The following PNPLA1 variants were observed in gnomAD, a reference collection of about 807,000 sequenced individuals.
PNPLA1 encodes the protein omega-hydroxyceramide transacylase.
PNPLA1 carries 36 observed loss-of-function variants against 51.7 expected under a neutral mutation model. The ratio of observed to expected loss-of-function variants is 0.70; its 90% CI spans 0.53 to 0.92. The LOEUF (loss-of-function observed/expected upper bound fraction) is 0.92. Among genes scored for constraint, PNPLA1 ranks in the 40% least tolerant of loss-of-function variants. The probability of loss-of-function intolerance (pLI) is 0.00; values close to 1 mark genes in which losing one functional copy is unlikely to be tolerated. For synonymous variants in PNPLA1, 293 were observed against 280.1 expected, an observed-to-expected ratio of 1.05 and a Z score of -0.46; for missense variants, 658 against 682.5, an observed-to-expected ratio of 0.96 and a Z score of 0.40.
At chr6:36,301,815 G>C in intron 5 of PNPLA1, 46 bp from the exon 6 acceptor site, 1 of 1,575,110 alleles carries the variant, frequency 6.3e-7, no homozygotes, top group Non-Finnish European at 8.6e-7. Context: ...CAAAGGCCAT[G>C]CTGCTGCCAG....
At chr6:36,272,589 T>G (rs1257422672) in intron 1 of PNPLA1, among the ~76,000 whole-genome samples, 1 of 152,152 alleles carries the variant, frequency 6.6e-6, no homozygotes, top group Non-Finnish European at 1.5e-5. Flanking sequence ...ACCATCTGAT[T>G]AGGCTTCTTA....
chr6:36,269,851 C>G (rs1003577314), upstream of PNPLA1, among the ~76,000 whole-genome samples: 1 of 152,250 alleles, frequency 6.6e-6, no homozygotes, highest in African/African-American at 2.4e-5. Context: ...ACACATACCA[C>G]ATAGCCTGAA....
At chr6:36,293,896 A>T (rs1298996428) in intron 3 of PNPLA1, among the ~76,000 whole-genome samples, 3 of 152,160 alleles carry the variant, frequency 2.0e-5, no homozygotes. Context: ...GGTCCCCTGC[A>T]CACAGAGCCC....
chr6:36,247,094 G>C (rs1378181354), intron 1 of PNPLA1, among the ~76,000 whole-genome samples: 1 of 152,016 alleles, frequency 6.6e-6, no homozygotes, highest in Non-Finnish European at 1.5e-5. Flanking sequence ...CCAGTTCTTT[G>C]ACCTCCTCTC....
rs1240041566 is a variant in PNPLA1 at position 36,306,441 on chromosome 6, A to G, written c.1469+65A>G. The G allele has an allele frequency of 1.2e-5, 17 of 1,423,988 alleles. 1 individual carries two copies. In the Admixed American group the frequency reaches 3.4e-4, roughly 28 times the overall value. 88.2% of individuals were successfully genotyped at this position (1,423,988 alleles called of 1,614,324 possible). Reference sequence around the variant, plus strand: ...CGGAAGAAGCAAGCCCGGCTAAGCGATATCTTCCACCACCTTAGCTGCCCC... The same window carrying G: ...CGGAAGAAGCAAGCCCGGCTAAGCGGTATCTTCCACCACCTTAGCTGCCCC... On this transcript the variant is annotated intron_variant, in intron 7 of 8. Transcript: ENST00000636260.
upstream of PNPLA1, among the ~76,000 whole-genome samples, chr6:36,266,761 C>A (rs1421189572): frequency 6.6e-6 from 1 of 152,224 alleles, no homozygotes; most frequent in African/African-American, 2.4e-5. Context: ...ATCCTTCATG[C>A]TCCATATTTA....
At chr6:36,281,769 C>G (rs1770289763) in intron 1 of PNPLA1, among the ~76,000 whole-genome samples, 1 of 152,020 alleles carries the variant, frequency 6.6e-6, no homozygotes. Flanking sequence ...CCTGTAGTCC[C>G]AGCACTTTGG....
At position 36,274,825 on chromosome 6, in the gene PNPLA1, T is replaced by C. The variant is rs117463143; in HGVS notation, c.205+4161T>C. On this transcript the variant is annotated intron_variant, in intron 1 of 8. Transcript: ENST00000636260. Reference sequence around the variant, plus strand: ...GCATCCCCATGTACTTATTGACCACTAGACGTTTCCTCTTCTGTACTGTGC... The same window carrying C: ...GCATCCCCATGTACTTATTGACCACCAGACGTTTCCTCTTCTGTACTGTGC... Among the ~76,000 whole-genome samples, 8 of 152,354 alleles carry C rather than the reference T, an allele frequency of 5.3e-5. No homozygotes were observed. The East Asian group carries it at 1.5e-3, about 29-fold the overall frequency.
rs747947664 is a variant in PNPLA1, at chr6:36,312,628, C to T, written c.*742C>T. Among the ~76,000 whole-genome samples the T allele has an allele frequency of 3.9e-5, 6 of 152,322 alleles. No homozygotes were observed. The highest frequency in any genetic ancestry group is 1.3e-4 in the Admixed American group (2 of 15,302). On this transcript the variant is annotated 3_prime_UTR_variant, in exon 9 of 9. Coordinates refer to ENST00000636260, the MANE Select transcript of PNPLA1 (RefSeq NM_001374623.1). ...CCTGAGGACCCTGAGGCCAAGCCTG[C>T]TTCTCACTGCTGTCCGGCACACTCC...
chr6:36,253,430 T>C (rs1378548920), intron 1 of PNPLA1, among the ~76,000 whole-genome samples: 9 of 152,194 alleles, frequency 5.9e-5, no homozygotes, highest in Admixed American at 2.0e-4. Flanking sequence ...GTTAACTAAG[T>C]CAAATATCGA....
intron 1 of PNPLA1, among the ~76,000 whole-genome samples, chr6:36,275,243 T>A (rs1177462822): frequency 6.6e-6 from 1 of 152,104 alleles, no homozygotes; most frequent in Non-Finnish European, 1.5e-5. Flanking sequence ...CACGCCCGGC[T>A]AATTTTAAAA....
At position 36,275,826 on chromosome 6, in the gene PNPLA1, C is replaced by T. The variant is rs367934555; in HGVS notation, c.205+5162C>T. ...CTTTCCATTTGTAAATATAGTTGAT[C>T]TTTCTATTCTGGTCTTTTTGTGTCC... On this transcript the variant is annotated intron_variant, in intron 1 of 8. Transcript: ENST00000636260. Among the ~76,000 whole-genome samples the T allele has an allele frequency of 3.3e-5, 5 of 152,222 alleles. No homozygotes were observed. In the East Asian group the frequency reaches 5.8e-4, roughly 18 times the overall value.
intron 1 of PNPLA1, among the ~76,000 whole-genome samples, chr6:36,251,267 A>G (rs1270575934): frequency 1.3e-5 from 2 of 152,190 alleles, no homozygotes; most frequent in Non-Finnish European, 2.9e-5. Context: ...TCTGTCATCC[A>G]GGCTGGAGTA....
At chr6:36,255,507 AAAAAC>A (rs918942665) in intron 1 of PNPLA1, among the ~76,000 whole-genome samples, 4 of 152,024 alleles carry the variant, frequency 2.6e-5, no homozygotes, top group African/African-American at 7.2e-5. Context: ...CTCTGTTTCA[AAAAAC>A]AAAACAAAAC....
intron 6 of PNPLA1, among the ~76,000 whole-genome samples, chr6:36,303,605 G>A (rs186760351): frequency 6.6e-6 from 1 of 152,310 alleles, no homozygotes; most frequent in Non-Finnish European, 1.5e-5. Flanking sequence ...GCCAAAGCGG[G>A]TGGATCACCT....
At chr6:36,301,193 T>G (rs1292606042) in intron 5 of PNPLA1, among the ~76,000 whole-genome samples, 22 of 133,998 alleles carry the variant, frequency 1.6e-4, no homozygotes. Context: ...CGATCATGGC[T>G]CACTGAAGCT....
Position 36,262,541 on chromosome 6 carries a change from A to C in PNPLA1, c.-81+19280A>C, listed in dbSNP as rs116867721. 2.2e-4 allele frequency among the ~76,000 whole-genome samples: 34 copies of C among 152,338 alleles called. No individual in the cohort carries two copies. In the East Asian group the frequency reaches 6.4e-3, roughly 28 times the overall value. ...TGGAAGTAACAATGAAAACAACACA[A>C]GAGGCTAGCAGTGAAAAATGGGTTT... On this transcript the variant is annotated intron_variant, in intron 1 of 7. Coordinates refer to the PNPLA1 transcript ENST00000312917.
rs369282403 is a variant in PNPLA1 at position 36,302,311 on chromosome 6, G to T, written c.1226G>T (p.Gly409Val). The part of the protein sequence containing the change: ...LSPQQQVQPS[G>V]SPARSLHSQA... ...CCTCAGCAGCAGGTACAACCGTCTG[G>T]ATCACCAGCCAGATCCCTACACTCT... Residue 409 changes from glycine (G) to valine (V), a missense_variant, in exon 6 of 9, where the codon GGA becomes GTA. Physicochemically the swap from Gly to Val is moderately radical, Grantham distance 109. Transcript: ENST00000636260. The T allele has an allele frequency of 1.8e-5, 29 of 1,613,928 alleles. No homozygotes were observed. In the East Asian group the frequency reaches 5.6e-4, roughly 31 times the overall value.
intron 1 of PNPLA1, among the ~76,000 whole-genome samples, chr6:36,282,096 G>GAAAGAAAGAAAAA (rs56666166): frequency 7.6e-5 from 4 of 52,626 alleles, no homozygotes; most frequent in Non-Finnish European, 1.4e-4. Context: ...AAAGAAGGAA[G>GAAAGAAAGAAAAA]GAAGGAAGGA....
Sources: allele counts gnomAD v4.1 joint callset (sites outside exome capture counted in the v4.1 genomes callset), GRCh38; gene constraint gnomAD v4.1.1; transcripts MANE v1.5; gene names NCBI Gene and HGNC (gene_info 2026-07-23, HGNC 2026-07-21).